The following ABCC1 variants were observed in gnomAD, a reference collection of about 807,000 sequenced individuals.
The protein encoded by ABCC1 is multidrug resistance-associated protein 1.
Under a neutral mutation model 172.9 loss-of-function variants are expected in ABCC1, and 83 were observed. The ratio of observed to expected loss-of-function variants is 0.48; its 90% CI spans 0.40 to 0.58. The LOEUF (loss-of-function observed/expected upper bound fraction) is 0.58, where lower values mean the gene tolerates loss of function less well. Among genes scored for constraint, ABCC1 ranks in the 20% least tolerant of loss-of-function variants. The pLI, the probability that ABCC1 is intolerant of heterozygous loss-of-function variation, is 0.00. For synonymous variants in ABCC1, 937 were observed against 825.2 expected (o/e 1.14, Z -2.32); for missense variants, 1,817 against 2,002.7 (o/e 0.91, Z 1.77).
At chr16:16,009,267 T>C (rs1260520091) in intron 2 of ABCC1, among the ~76,000 whole-genome samples, 1 of 152,212 alleles carries the variant, frequency 6.6e-6, no homozygotes, top group Admixed American at 6.5e-5. Context: ...CACTGATTTT[T>C]TAATCTTTTG....
intron 1 of ABCC1, among the ~76,000 whole-genome samples, chr16:16,006,634 T>C (rs1243461440): frequency 4.6e-5 from 7 of 151,530 alleles, no homozygotes; most frequent in African/African-American, 1.5e-4. Flanking sequence ...AGTGGCAAAA[T>C]GCAGACTTGA....
intron 14 of ABCC1, 175 bp from the exon 15 acceptor site, chr16:16,076,151 C>A: frequency 1.6e-6 from 1 of 624,608 alleles, no homozygotes; most frequent in South Asian, 2.0e-5. Context: ...GCCTCCAGAA[C>A]TGCAGGTTGA....
intron 1 of ABCC1, among the ~76,000 whole-genome samples, chr16:16,002,541 G>A (rs755167089): frequency 8.5e-5 from 13 of 152,186 alleles, no homozygotes; most frequent in Non-Finnish European, 1.5e-4. Flanking sequence ...GGGTGGCCAA[G>A]GCGAGTGGAT....
intron 22 of ABCC1, among the ~76,000 whole-genome samples, chr16:16,114,177 C>T (rs1596524977): frequency 6.6e-6 from 1 of 152,290 alleles, no homozygotes; most frequent in East Asian, 1.9e-4. Flanking sequence ...AGGGCAAAGG[C>T]GTTCACCTAT....
chr16:16,007,066 A>G (rs2047567851), intron 1 of ABCC1, among the ~76,000 whole-genome samples: 2 of 152,132 alleles, frequency 1.3e-5, no homozygotes, highest in Non-Finnish European at 1.5e-5. Flanking sequence ...TTCGGTTATA[A>G]GAGAATATCC....
At chr16:15,970,600 A>G (rs1226525984) in intron 1 of ABCC1, among the ~76,000 whole-genome samples, 2 of 152,212 alleles carry the variant, frequency 1.3e-5, no homozygotes, top group Admixed American at 1.3e-4. Context: ...GCTGGAGTCA[A>G]AGAGTAGGGA....
intron 11 of ABCC1, among the ~76,000 whole-genome samples, chr16:16,054,365 C>T (rs1276510816): frequency 3.9e-5 from 6 of 152,156 alleles, no homozygotes; most frequent in Admixed American, 6.6e-5. Context: ...TCCTTTAGCG[C>T]CCTGCTTTGG....
chr16:16,022,755 G>A (rs45523535), intron 5 of ABCC1, among the ~76,000 whole-genome samples: 1 of 152,154 alleles, frequency 6.6e-6, no homozygotes, highest in Admixed American at 6.5e-5. Flanking sequence ...ATTTTACTAT[G>A]AACATTCTTA....
At chr16:16,100,253 T>C (rs1174326777) in intron 19 of ABCC1, among the ~76,000 whole-genome samples, 1 of 152,202 alleles carries the variant, frequency 6.6e-6, no homozygotes, top group Admixed American at 6.5e-5. Flanking sequence ...TAGCGAGCAC[T>C]GCATGCCTGC....
chr16:15,992,598 A>G (rs1443608481), intron 1 of ABCC1, among the ~76,000 whole-genome samples: 1 of 152,050 alleles, frequency 6.6e-6, no homozygotes, highest in Non-Finnish European at 1.5e-5. Flanking sequence ...ACGGGGTTTT[A>G]CCATGTTGGC....
At chr16:16,036,859 A>C (rs1194291319) in intron 7 of ABCC1, among the ~76,000 whole-genome samples, 1 of 152,200 alleles carries the variant, frequency 6.6e-6, no homozygotes, top group East Asian at 1.9e-4. Flanking sequence ...TAATCCCAGC[A>C]CTTTGGGAGG....
intron 5 of ABCC1, among the ~76,000 whole-genome samples, chr16:16,032,717 G>T (rs1259429778): frequency 6.6e-6 from 1 of 152,188 alleles, no homozygotes; most frequent in Admixed American, 6.5e-5. Context: ...TTGTCGTGGG[G>T]ATATAAGGCA....
At chr16:16,004,984 A>C (rs575173706) in intron 1 of ABCC1, among the ~76,000 whole-genome samples, 6 of 151,548 alleles carry the variant, frequency 4.0e-5, no homozygotes, top group African/African-American at 1.2e-4. Flanking sequence ...GATCTCTTTA[A>C]TTATTGGAAC....
chr16:16,009,076 A>AGTAGCTG (rs2047670047), intron 2 of ABCC1, among the ~76,000 whole-genome samples: 1 of 151,690 alleles, frequency 6.6e-6, no homozygotes, highest in African/African-American at 2.4e-5. Flanking sequence ...CAGCTTTTTG[A>AGTAGCTG]GTAGCTGGTA....
chr16:16,002,693 G>C (rs988874307), intron 1 of ABCC1, among the ~76,000 whole-genome samples: 6 of 151,382 alleles, frequency 4.0e-5, no homozygotes, highest in African/African-American at 1.5e-4. Flanking sequence ...GATTGCTGGA[G>C]CCTGAGAGGT....
intron 26 of ABCC1, among the ~76,000 whole-genome samples, chr16:16,127,247 G>T (rs1006862670): frequency 1.1e-4 from 17 of 152,012 alleles, no homozygotes; most frequent in Non-Finnish European, 1.9e-4. Flanking sequence ...TTTGAGACAC[G>T]GTCTCACTCT....
chr16:15,971,578 T>A (rs1219043165), intron 1 of ABCC1, among the ~76,000 whole-genome samples: 5 of 152,162 alleles, frequency 3.3e-5, no homozygotes, highest in Admixed American at 1.3e-4. Flanking sequence ...CATTAACTGC[T>A]GTTAGGGGGT....
intron 1 of ABCC1, among the ~76,000 whole-genome samples, chr16:15,959,626 G>A (rs997917443): frequency 1.3e-5 from 2 of 152,022 alleles, no homozygotes; most frequent in Non-Finnish European, 2.9e-5. Flanking sequence ...ATGCCCAGCC[G>A]AAAATGGCTT....
chr16:16,132,510 G>GTTTTTTTTTTTTTTTTTT (rs71137915), intron 27 of ABCC1, among the ~76,000 whole-genome samples: 16 of 37,296 alleles, frequency 4.3e-4, no homozygotes, highest in African/African-American at 6.1e-4. Context: ...TTGGTTGGTT[G>GTTTTTTTTTTTTTTTTTT]TTTTTTTTTT....
Sources: allele counts gnomAD v4.1 joint callset (sites outside exome capture counted in the v4.1 genomes callset), GRCh38; gene constraint gnomAD v4.1.1; transcripts MANE v1.5; gene names NCBI Gene and HGNC (gene_info 2026-07-23, HGNC 2026-07-21).